Variants in PTPRG observed in about 807,000 individuals in gnomAD.
PTPRG encodes the protein protein tyrosine phosphatase receptor type G.
PTPRG carries 102 observed loss-of-function variants against 165.3 expected under a neutral mutation model. The observed-to-expected ratio is 0.62, with a 90% CI of 0.53 to 0.73. The LOEUF is 0.73. Ranked by LOEUF, PTPRG falls within the 30% of genes least tolerant of loss-of-function variation. PTPRG has a pLI of 0.00. For missense variants in PTPRG, 1,866 were observed against 1,861.4 expected, an observed-to-expected ratio of 1.00 and a Z score of -0.05; for synonymous variants, 675 against 669.5, an observed-to-expected ratio of 1.01 and a Z score of -0.13.
intron 4 of PTPRG, among the ~76,000 whole-genome samples, chr3:62,048,773 G>T (rs570152907): frequency 5.8e-4 from 89 of 152,276 alleles, no homozygotes; most frequent in African/African-American, 2.0e-3. Flanking sequence ...CATAATTGCT[G>T]TGTCATCACA....
intron 1 of PTPRG, among the ~76,000 whole-genome samples, chr3:61,588,952 T>C (rs893080339): frequency 2.0e-5 from 3 of 152,174 alleles, no homozygotes; most frequent in East Asian, 3.9e-4. Flanking sequence ...AGTTGGGATT[T>C]ATTGATCTCT....
intron 6 of PTPRG, among the ~76,000 whole-genome samples, chr3:62,138,723 A>AAAAAG (rs1703810973): frequency 6.6e-6 from 1 of 151,412 alleles, no homozygotes; most frequent in African/African-American, 2.4e-5. Flanking sequence ...CCAAAAAAAA[A>AAAAAG]AAAAAAAAAA....
Position 62,195,282 on chromosome 3 carries a change from G to A in PTPRG, c.1327+112G>A. On this transcript the variant is annotated intron_variant, in intron 10 of 29. Coordinates refer to ENST00000474889, the MANE Select transcript of PTPRG (RefSeq NM_002841.4). This position sits in a 1 kb window ranked among gnomAD's most constrained non-coding sequence, Gnocchi z 4.4. ...AAAAATACAAACAAGCCTGGCAGAA[G>A]AATCAGTGTAGGGTTTTAAAGCCTA... 1 of 986,698 alleles carries A rather than the reference G, an allele frequency of 1.0e-6. No individual in the cohort carries two copies. The highest frequency in any genetic ancestry group is 1.9e-5 in the Admixed American group (1 of 51,506). 61.1% of individuals were successfully genotyped at this position (986,698 alleles called of 1,614,324 possible).
intron 5 of PTPRG, among the ~76,000 whole-genome samples, chr3:62,118,784 G>A (rs193288132): frequency 6.6e-6 from 1 of 152,282 alleles, no homozygotes; most frequent in Admixed American, 6.5e-5. Flanking sequence ...CAGGAGGTGT[G>A]TGTCATTGTC....
At chr3:61,792,326 A>G (rs968992386) in intron 2 of PTPRG, among the ~76,000 whole-genome samples, 10 of 151,990 alleles carry the variant, frequency 6.6e-5, no homozygotes, top group African/African-American at 2.2e-4. Flanking sequence ...TCAGCTCCAC[A>G]GGCACCCACC....
rs1428101255 is a variant in PTPRG at position 61,587,965 on chromosome 3, T to TG, written c.85+25593_85+25594insG. ...TGAGCCACTGCAGCTGTCCCATTTT[T>TG]TTTTTTTAAACTTTTTTTCTGGTCC... On this transcript the variant is annotated intron_variant, in intron 1 of 29. Coordinates refer to ENST00000474889, the MANE Select transcript of PTPRG (RefSeq NM_002841.4). Among the ~76,000 whole-genome samples the TG allele has an allele frequency of 8.6e-4, 130 of 151,670 alleles. 1 individual carries two copies. The highest frequency in any genetic ancestry group is 1.4e-3 in the Non-Finnish European group (98 of 67,900).
intron 4 of PTPRG, among the ~76,000 whole-genome samples, chr3:62,021,857 C>CTTTTTT (rs398062374): frequency 5.2e-3 from 502 of 96,082 alleles, no homozygotes; most frequent in East Asian, 8.8e-3. Context: ...TTTTCCTTTT[C>CTTTTTT]TTTTTTTTTT....
At chr3:62,070,948 GAAAA>G (rs1243212491) in intron 4 of PTPRG, among the ~76,000 whole-genome samples, 10 of 145,594 alleles carry the variant, frequency 6.9e-5, no homozygotes, top group East Asian at 2.0e-4. Context: ...AAAAAAAAAA[GAAAA>G]AAAAAGAAAA....
At chr3:62,028,519 A>G (rs1367334951) in intron 4 of PTPRG, among the ~76,000 whole-genome samples, 1 of 152,216 alleles carries the variant, frequency 6.6e-6, no homozygotes, top group Non-Finnish European at 1.5e-5. Flanking sequence ...TCATTTCCGT[A>G]TATCCACAAA....
chr3:62,031,351 G>A (rs752134777), intron 4 of PTPRG, among the ~76,000 whole-genome samples: 10 of 152,180 alleles, frequency 6.6e-5, no homozygotes, highest in Admixed American at 2.0e-4. Context: ...ATAGGAGAAC[G>A]TGGGGGAAAT....
At chr3:61,584,937 C>T (rs533148257) in intron 1 of PTPRG, among the ~76,000 whole-genome samples, 1 of 152,260 alleles carries the variant, frequency 6.6e-6, no homozygotes, top group Admixed American at 6.5e-5. Flanking sequence ...CACGTTTCTT[C>T]ATAAATTTTT....
chr3:61,940,631 T>C (rs1335706583), intron 2 of PTPRG, among the ~76,000 whole-genome samples: 1 of 152,092 alleles, frequency 6.6e-6, no homozygotes, highest in Non-Finnish European at 1.5e-5. Flanking sequence ...TATTGATTTC[T>C]ATGGATTCAG....
intron 1 of PTPRG, among the ~76,000 whole-genome samples, chr3:61,596,475 C>T (rs533890645): frequency 1.3e-5 from 2 of 152,210 alleles, no homozygotes; most frequent in African/African-American, 4.8e-5. Context: ...GTATATGAAA[C>T]ACGTAGCATG....
At chr3:61,926,908 A>T (rs1393822005) in intron 2 of PTPRG, among the ~76,000 whole-genome samples, 1 of 151,662 alleles carries the variant, frequency 6.6e-6, no homozygotes, top group African/African-American at 2.4e-5. Flanking sequence ...CGAAAAAAAC[A>T]GTTCGGGGGG....
chr3:62,160,024 G>A (rs990788238), intron 7 of PTPRG, among the ~76,000 whole-genome samples: 2 of 152,150 alleles, frequency 1.3e-5, no homozygotes, highest in South Asian at 2.1e-4. Flanking sequence ...CAGCCAATTC[G>A]GAAAAGCCAA....
chr3:61,766,180 A>G lies in PTPRG; in HGVS notation c.190+17198A>G, dbSNP rs903481014. Among the ~76,000 whole-genome samples, 3 of 152,242 alleles carry G rather than the reference A, an allele frequency of 2.0e-5. No individual in the cohort carries two copies. The South Asian group carries it at 6.2e-4, about 31-fold the overall frequency. The stretch of plus-strand genomic sequence containing the variant: ...ATTGGAATGATAATATCATACCAAA[A>G]GTATTGATATATCCATTTAAATTGT... On this transcript the variant is annotated intron_variant, in intron 2 of 29. Coordinates refer to ENST00000474889, the MANE Select transcript of PTPRG (RefSeq NM_002841.4).
At chr3:62,292,845 G>A in intron 29 of PTPRG, 1 of 472,026 alleles carries the variant, frequency 2.1e-6, no homozygotes, top group Non-Finnish European at 3.7e-6. Flanking sequence ...TTAGAGGATA[G>A]TATTCTCTGG....
At chr3:61,672,062 C>T (rs1470273392) in intron 1 of PTPRG, among the ~76,000 whole-genome samples, 6 of 143,704 alleles carry the variant, frequency 4.2e-5, no homozygotes, top group Non-Finnish European at 6.0e-5. Context: ...TGGGCAGAGA[C>T]GCTCCTCACA....
At chr3:62,137,806 T>C (rs575478700) in intron 6 of PTPRG, among the ~76,000 whole-genome samples, 13 of 152,302 alleles carry the variant, frequency 8.5e-5, no homozygotes, top group Admixed American at 2.6e-4. Flanking sequence ...TGTTGTTGCA[T>C]AGAATAAGAG....
Sources: gnomAD v4.1 joint callset for allele counts (sites outside exome capture counted in the v4.1 genomes callset) on GRCh38, gnomAD v4.1.1 for gene constraint, Gnocchi (gnomAD v3.1) non-coding constraint, MANE v1.5 for transcripts, NCBI Gene and HGNC (gene_info 2026-07-23, HGNC 2026-07-21) for gene names.